The following TIMP2 variants were observed in gnomAD, a reference collection of about 807,000 sequenced individuals.
The protein encoded by TIMP2 is TIMP metallopeptidase inhibitor 2.
TIMP2 carries 5 observed loss-of-function variants against 24.3 expected under a neutral mutation model. That is an observed-to-expected ratio of 0.21 (90% CI 0.11 to 0.43). TIMP2 has a LOEUF of 0.43. Ranked by LOEUF, TIMP2 falls within the 20% of genes least tolerant of loss-of-function variation. The pLI, the probability that TIMP2 is intolerant of heterozygous loss-of-function variation, is 1.00. For synonymous variants in TIMP2, 130 were observed against 123.2 expected, an observed-to-expected ratio of 1.06 and a Z score of -0.37; for missense variants, 221 against 297.5, an observed-to-expected ratio of 0.74 and a Z score of 1.89.
chr17:78,865,580 C>T (rs1042417342), intron 3 of TIMP2, among the ~76,000 whole-genome samples: 4 of 146,664 alleles, frequency 2.7e-5, no homozygotes, highest in South Asian at 2.2e-4. Flanking sequence ...GTTGAGACCA[C>T]GCCATTGCAC....
At chr17:78,916,754 C>T (rs556377737) in intron 1 of TIMP2, among the ~76,000 whole-genome samples, 22 of 152,324 alleles carry the variant, frequency 1.4e-4, no homozygotes, top group African/African-American at 4.6e-4. Flanking sequence ...GTCCCACTGC[C>T]GGGCCTCCAG....
intron 1 of TIMP2, among the ~76,000 whole-genome samples, chr17:78,893,475 C>A (rs1302587535): frequency 1.4e-5 from 1 of 70,118 alleles, no homozygotes; most frequent in African/African-American, 5.9e-5. Context: ...GTGTGCATAG[C>A]GGTGTGTGTG....
intron 2 of TIMP2, among the ~76,000 whole-genome samples, chr17:78,873,449 C>T (rs1000409078): frequency 1.3e-5 from 2 of 152,056 alleles, no homozygotes; most frequent in Non-Finnish European, 2.9e-5. Context: ...CACAGGTGGG[C>T]GCTACCATGC....
intron 1 of TIMP2, among the ~76,000 whole-genome samples, chr17:78,914,166 C>T (rs1001618506): frequency 4.6e-5 from 7 of 152,060 alleles, no homozygotes; most frequent in Non-Finnish European, 1.0e-4. Flanking sequence ...CCTGACTTCC[C>T]CTTGAGTCCT....
chr17:78,868,696 T>A (rs1033378117), intron 3 of TIMP2, among the ~76,000 whole-genome samples: 3 of 152,092 alleles, frequency 2.0e-5, no homozygotes, highest in Admixed American at 1.3e-4. Flanking sequence ...ATACTAAAAT[T>A]ACTTGAAATG....
intron 1 of TIMP2, chr17:78,890,708 T>C (rs1393973838): frequency 1.9e-6 from 3 of 1,550,504 alleles, no homozygotes; most frequent in East Asian, 2.4e-5. Flanking sequence ...CAACCTGTTT[T>C]GCTGTAAGAT....
intron 1 of TIMP2, among the ~76,000 whole-genome samples, chr17:78,878,116 G>A (rs1178410671): frequency 1.3e-5 from 2 of 152,122 alleles, no homozygotes; most frequent in Non-Finnish European, 2.9e-5. Flanking sequence ...ACTTCAAAAC[G>A]GCCAAAATGT....
rs2070302333 is a variant in TIMP2 at position 78,920,672 on chromosome 17, A to C, written c.130+4287T>G. Among the ~76,000 whole-genome samples, 1 of 152,180 alleles carries C rather than the reference A, an allele frequency of 6.6e-6. No individual in the cohort carries two copies. The highest frequency in any genetic ancestry group is 2.1e-4 in the South Asian group (1 of 4,828). The stretch of plus-strand genomic sequence containing the variant: ...TTCTATCCTCACATCTTGCAAATGC[A>C]TTTCACATTGTCACATGATTACTCC... On this transcript the variant is annotated intron_variant, in intron 1 of 4. Transcript: ENST00000262768. This position sits in a 1 kb window ranked among gnomAD's most constrained non-coding sequence, Gnocchi z 4.5.
chr17:78,893,506 G>A (rs541481047), intron 1 of TIMP2, among the ~76,000 whole-genome samples: 1 of 149,220 alleles, frequency 6.7e-6, no homozygotes, highest in African/African-American at 2.6e-5. Context: ...TGCGCGCAGG[G>A]GTGTGTGCGT....
At position 78,856,036 on chromosome 17, in the gene TIMP2, G is replaced by A. The variant is rs377262388; in HGVS notation, c.466-172C>T. The A allele has an allele frequency of 2.5e-5, 17 of 672,930 alleles. No homozygotes were observed. In the African/African-American group the frequency reaches 2.8e-4, roughly 11 times the overall value. The allele number at this position is 672,930 out of a possible 1,614,324, so 41.7% of individuals were successfully genotyped here. A position where few individuals can be genotyped will look rare whatever the true frequency, so the allele number is the denominator to read the frequency against. The stretch of plus-strand genomic sequence containing the variant: ...CAGGGGCAGGCAGCTGGCCTGCGAG[G>A]GGGTCTAACCTGCAGGGAAGCTGTG... On this transcript the variant is annotated intron_variant, in intron 4 of 4. Coordinates refer to ENST00000262768, the MANE Select transcript of TIMP2 (RefSeq NM_003255.5).
At chr17:78,917,537 C>A (rs1307610278) in intron 1 of TIMP2, among the ~76,000 whole-genome samples, 1 of 152,220 alleles carries the variant, frequency 6.6e-6, no homozygotes, top group Non-Finnish European at 1.5e-5. Flanking sequence ...TGAATAAATT[C>A]TGTAAGAAGC....
intron 1 of TIMP2, chr17:78,892,034 TG>T: frequency 1.3e-6 from 2 of 1,550,816 alleles, no homozygotes; most frequent in Non-Finnish European, 1.7e-6. Flanking sequence ...TGATCTTCGC[TG>T]GATGGGCCCC....
Position 78,896,857 on chromosome 17 carries a change from T to C in TIMP2, c.131-22938A>G, listed in dbSNP as rs1389585769. ...TGGCCCCAGCGCAGGAGCCAGCCCA[T>C]GGCAGCTCCACCCCAGACCGATCCG... On this transcript the variant is annotated intron_variant, in intron 1 of 4. Coordinates refer to ENST00000262768, the MANE Select transcript of TIMP2 (RefSeq NM_003255.5). The surrounding 1 kb of genome is among the most constrained non-coding windows in gnomAD (Gnocchi z 4.4). The C allele has an allele frequency of 2.2e-6, 2 of 908,304 alleles. No individual in the cohort carries two copies. Among genetic ancestry groups the C allele is most frequent in the African/African-American group, 1.8e-5 (1 of 55,642 alleles). The allele number at this position is 908,304 out of a possible 1,614,324, so 56.3% of individuals were successfully genotyped here. A position where few individuals can be genotyped will look rare whatever the true frequency, so the allele number is the denominator to read the frequency against.
At chr17:78,922,796 TC>T (rs1189070909) in intron 1 of TIMP2, among the ~76,000 whole-genome samples, 1 of 150,804 alleles carries the variant, frequency 6.6e-6, no homozygotes, top group Non-Finnish European at 1.5e-5. Flanking sequence ...TCCAGCCTGC[TC>T]TCCAAAAAAA....
chr17:78,904,315 A>G (rs1366155678), intron 1 of TIMP2: 1 of 152,046 alleles, frequency 6.6e-6, no homozygotes, highest in Non-Finnish European at 1.5e-5. Flanking sequence ...AAATTTGACA[A>G]CTGAGAAATG....
chr17:78,885,846 G>T (rs2145763860), intron 1 of TIMP2, among the ~76,000 whole-genome samples: 1 of 152,298 alleles, frequency 6.6e-6, no homozygotes, highest in African/African-American at 2.4e-5. Context: ...CTGGGTGGAG[G>T]CATGGGACGG....
At position 78,880,176 on chromosome 17, in the gene TIMP2, C is replaced by T. The variant is rs147613517; in HGVS notation, c.131-6257G>A. 4.6e-4 allele frequency among the ~76,000 whole-genome samples: 70 copies of T among 152,302 alleles called. 2 individuals carry two copies. In the East Asian group the frequency reaches 0.012, roughly 27 times the overall value. On this transcript the variant is annotated intron_variant, in intron 1 of 4. Coordinates refer to ENST00000262768, the MANE Select transcript of TIMP2 (RefSeq NM_003255.5). ...CAACCACGCCAGCCCCAGGCAGAGACGCCACGGCTTCTGTGGCACGGTCCT... is the reference window on the plus strand; with the variant it reads ...CAACCACGCCAGCCCCAGGCAGAGATGCCACGGCTTCTGTGGCACGGTCCT...
At chr17:78,923,989 A>C (rs1166719699) in intron 1 of TIMP2, among the ~76,000 whole-genome samples, 1 of 152,136 alleles carries the variant, frequency 6.6e-6, no homozygotes, top group Non-Finnish European at 1.5e-5. Flanking sequence ...CTCCGAGACC[A>C]CCTGCCGTGT....
chr17:78,895,174 G>A (rs79886397), intron 1 of TIMP2, among the ~76,000 whole-genome samples: 3,834 of 152,166 alleles, frequency 0.025, 142 homozygotes, highest in African/African-American at 0.088. Flanking sequence ...CCAGCTACTC[G>A]GGAAGCTAAG....
Sources: gnomAD v4.1 joint callset for allele counts (sites outside exome capture counted in the v4.1 genomes callset) on GRCh38, gnomAD v4.1.1 for gene constraint, Gnocchi (gnomAD v3.1) non-coding constraint, MANE v1.5 for transcripts, NCBI Gene and HGNC (gene_info 2026-07-23, HGNC 2026-07-21) for gene names.